The following NDST3 variants were observed in gnomAD, a reference collection of about 807,000 sequenced individuals.
The protein encoded by NDST3 is bifunctional heparan sulfate N-deacetylase/N-sulfotransferase 3.
In NDST3, 58 loss-of-function variants were observed where a neutral mutation model predicts 96.1. The ratio of observed to expected loss-of-function variants is 0.60; its 90% CI spans 0.49 to 0.75. The LOEUF is 0.75. NDST3 is among the 30% of genes least tolerant of loss of function. The probability of loss-of-function intolerance (pLI) is 0.00; values close to 1 mark genes in which losing one functional copy is unlikely to be tolerated. For missense variants in NDST3, 788 were observed against 1,034.2 expected, an observed-to-expected ratio of 0.76 and a Z score of 3.27; for synonymous variants, 333 against 359.7, an observed-to-expected ratio of 0.93 and a Z score of 0.84.
intron 4 of NDST3, 139 bp downstream of exon 4, chr4:118,115,099 A>G (rs997469792): frequency 2.2e-5 from 18 of 815,576 alleles, no homozygotes; most frequent in Non-Finnish European, 3.1e-5. Context: ...GCCGCCTTTC[A>G]GTATGTGGCT....
At chr4:118,189,056 A>G (rs1014883991) in intron 6 of NDST3, among the ~76,000 whole-genome samples, 2 of 152,072 alleles carry the variant, frequency 1.3e-5, no homozygotes, top group Non-Finnish European at 2.9e-5. Context: ...TCATTAAAAT[A>G]TAACTTTTTT....
intron 2 of NDST3, among the ~76,000 whole-genome samples, chr4:118,056,414 T>A (rs1426617554): frequency 3.3e-5 from 5 of 152,092 alleles, no homozygotes; most frequent in African/African-American, 1.2e-4. Flanking sequence ...AAATTTGGCA[T>A]GTCTACTTTA....
intron 8 of NDST3, among the ~76,000 whole-genome samples, chr4:118,230,432 G>A (rs1444268130): frequency 4.6e-5 from 7 of 152,074 alleles, no homozygotes; most frequent in Admixed American, 4.6e-4. Context: ...AAATTTAGCC[G>A]GGTGCGGTGG....
chr4:118,232,211 T>C (rs995299759), intron 8 of NDST3, among the ~76,000 whole-genome samples: 1 of 152,198 alleles, frequency 6.6e-6, no homozygotes, highest in African/African-American at 2.4e-5. Context: ...GGTAATGTAA[T>C]ATGTTAAATA....
At chr4:118,172,167 A>T (rs1456170452) in intron 6 of NDST3, among the ~76,000 whole-genome samples, 1 of 152,180 alleles carries the variant, frequency 6.6e-6, no homozygotes, top group Non-Finnish European at 1.5e-5. Context: ...ACCATAGTAA[A>T]ATAAAGGGCT....
chr4:118,196,084 T>C (rs546108254), intron 6 of NDST3, among the ~76,000 whole-genome samples: 1 of 152,346 alleles, frequency 6.6e-6, no homozygotes, highest in East Asian at 1.9e-4. Flanking sequence ...AATGCTTTTT[T>C]AACATCTACT....
intron 6 of NDST3, among the ~76,000 whole-genome samples, chr4:118,193,120 CA>C (rs1012986521): frequency 6.6e-6 from 1 of 152,032 alleles, no homozygotes; most frequent in African/African-American, 2.4e-5. Flanking sequence ...ATGGACCTAA[CA>C]AACAGAAGGA....
At chr4:118,043,113 T>C (rs897832159) in intron 1 of NDST3, among the ~76,000 whole-genome samples, 2 of 152,232 alleles carry the variant, frequency 1.3e-5, no homozygotes, top group African/African-American at 4.8e-5. Flanking sequence ...ACCTGATCAC[T>C]AATTGCATAA....
chr4:118,035,429 CT>C (rs1349827156), intron 1 of NDST3, among the ~76,000 whole-genome samples: 126 of 105,290 alleles, frequency 1.2e-3, no homozygotes, highest in Middle Eastern at 5.6e-3. Context: ...GGGACACACA[CT>C]TTTTTTTTGT....
intron 1 of NDST3, among the ~76,000 whole-genome samples, chr4:118,050,890 C>G (rs1489387091): frequency 1.3e-5 from 2 of 151,782 alleles, no homozygotes; most frequent in Non-Finnish European, 2.9e-5. Flanking sequence ...TCACATGAAC[C>G]AAAAAAGAGC....
intron 1 of NDST3, among the ~76,000 whole-genome samples, chr4:118,045,142 T>TTCC (rs1481629100): frequency 6.6e-6 from 1 of 152,194 alleles, no homozygotes; most frequent in South Asian, 2.1e-4. Context: ...TCCCACTCAT[T>TTCC]ATTCATCATC....
At chr4:118,210,771 T>A (rs1232314965) in intron 6 of NDST3, among the ~76,000 whole-genome samples, 1 of 103,122 alleles carries the variant, frequency 9.7e-6, no homozygotes, top group Non-Finnish European at 1.9e-5. Flanking sequence ...TGAGACTCCA[T>A]CTCAAAAAAA....
chr4:118,079,944 T>C (rs1334913359), intron 2 of NDST3, among the ~76,000 whole-genome samples: 2 of 152,130 alleles, frequency 1.3e-5, no homozygotes, highest in Non-Finnish European at 2.9e-5. Flanking sequence ...CCTAGGATTT[T>C]GGCCTGACAG....
intron 6 of NDST3, chr4:118,194,315 ATCT>A: frequency 2.7e-6 from 2 of 735,048 alleles, no homozygotes; most frequent in Non-Finnish European, 2.5e-6. Flanking sequence ...TGATTCCGCC[ATCT>A]TCTTCTTCCG....
At chr4:118,151,125 A>C (rs1734362780) in intron 6 of NDST3, among the ~76,000 whole-genome samples, 1 of 152,264 alleles carries the variant, frequency 6.6e-6, no homozygotes, top group East Asian at 1.9e-4. Flanking sequence ...TTCTCAGTAA[A>C]CTATCGCAAG....
At chr4:118,127,505 A>C (rs10021781) in intron 4 of NDST3, among the ~76,000 whole-genome samples, 1 of 151,942 alleles carries the variant, frequency 6.6e-6, no homozygotes, top group Non-Finnish European at 1.5e-5. Flanking sequence ...TCACTGTAGG[A>C]GTATTAATTT....
chr4:118,108,418 G>T (rs1730379071), intron 3 of NDST3, among the ~76,000 whole-genome samples: 1 of 152,138 alleles, frequency 6.6e-6, no homozygotes, highest in South Asian at 2.1e-4. Flanking sequence ...AAGTTTATCA[G>T]TTTTCTACAA....
intron 2 of NDST3, among the ~76,000 whole-genome samples, chr4:118,071,243 T>C (rs11722962): frequency 0.75 from 114,402 of 152,010 alleles, 45,714 homozygotes; most frequent in South Asian, 0.92. Flanking sequence ...ACCATTCTTA[T>C]CTTGACTTTC....
At position 118,221,226 on chromosome 4, in the gene NDST3, C is replaced by T. The variant is rs4833567; in HGVS notation, c.1540-3265C>T. On this transcript the variant is annotated intron_variant, in intron 6 of 13. Coordinates refer to ENST00000296499, the MANE Select transcript of NDST3 (RefSeq NM_004784.3). Reference sequence around the variant, plus strand: ...GGCTGAGAGAAAGAGTTTGCTGTAACCTCTCTTCTACCTTCTGAATTCTGA... The same window carrying T: ...GGCTGAGAGAAAGAGTTTGCTGTAATCTCTCTTCTACCTTCTGAATTCTGA... 5.8e-3 allele frequency among the ~76,000 whole-genome samples: 888 copies of T among 151,976 alleles called. 8 individuals are homozygous for T. Among genetic ancestry groups the T allele is most frequent in the African/African-American group, 0.02 (841 of 41,434 alleles).
Sources: gnomAD v4.1 joint callset for allele counts (sites outside exome capture counted in the v4.1 genomes callset) on GRCh38, gnomAD v4.1.1 for gene constraint, MANE v1.5 for transcripts, NCBI Gene and HGNC (gene_info 2026-07-23, HGNC 2026-07-21) for gene names.